Variants in TNRC6C observed in about 807,000 individuals in gnomAD.
The protein encoded by TNRC6C is trinucleotide repeat containing adaptor 6C.
TNRC6C carries 20 observed loss-of-function variants against 153.7 expected under a neutral mutation model. That is an observed-to-expected ratio of 0.13 (90% CI 0.09 to 0.19). The LOEUF (loss-of-function observed/expected upper bound fraction) is 0.19, where lower values mean the gene tolerates loss of function less well. Ranked by LOEUF, TNRC6C falls within the 10% of genes least tolerant of loss-of-function variation. The pLI is 1.00. For missense variants in TNRC6C, 1,987 were observed against 2,172.0 expected, an observed-to-expected ratio of 0.91 and a Z score of 1.69; for synonymous variants, 811 against 841.4, an observed-to-expected ratio of 0.96 and a Z score of 0.63.
intron 19 of TNRC6C, 21 bp downstream of exon 22, chr17:78,103,574 C>A (rs1387104597): frequency 6.2e-7 from 1 of 1,613,576 alleles, no homozygotes; most frequent in African/African-American, 1.3e-5. Context: ...TCACAGCCAC[C>A]TCAGCGCTCC....
intron 2 of TNRC6C, among the ~76,000 whole-genome samples, chr17:78,034,276 C>G (rs1217213012): frequency 6.6e-6 from 1 of 152,084 alleles, no homozygotes; most frequent in Non-Finnish European, 1.5e-5. Context: ...AGGATGGTCT[C>G]AAACTCCTGA....
At chr17:78,012,087 C>T (rs1346600405) in intron 1 of TNRC6C, 1 of 152,114 alleles carries the variant, frequency 6.6e-6, no homozygotes, top group Non-Finnish European at 1.5e-5. Flanking sequence ...AGTCATTGCC[C>T]TTCTATGTGT....
chr17:77,991,006 G>A (rs1226996338), intron 1 of TNRC6C, among the ~76,000 whole-genome samples: 1 of 152,158 alleles, frequency 6.6e-6, no homozygotes, highest in East Asian at 1.9e-4. Context: ...TCTTAGTGAT[G>A]CATAAAATAA....
intron 1 of TNRC6C, among the ~76,000 whole-genome samples, chr17:77,960,407 G>T (rs1055919666): frequency 1.3e-5 from 2 of 152,202 alleles, no homozygotes; most frequent in African/African-American, 4.8e-5. Context: ...AATTTATGGT[G>T]ATCGCTGTGA....
chr17:78,001,951 G>A (rs1337737159), upstream of TNRC6C, among the ~76,000 whole-genome samples: 1 of 152,050 alleles, frequency 6.6e-6, no homozygotes, highest in Non-Finnish European at 1.5e-5. Context: ...AAAAGAAAAA[G>A]TTCTGTGATT....
chr17:78,107,709 ACCC>A lies in TNRC6C; in HGVS notation c.*2867_*2869del, dbSNP rs369121058. On this transcript the variant is annotated 3_prime_UTR_variant, in exon 20 of 20. Transcript: ENST00000301624. ...GCACAGCCAAGCTTTCCAGCTCTCC[ACCC>A]CCGTGGCCCATCCAAGTCTGTTCAT... 1.6e-4 allele frequency: 25 copies of A among 152,030 alleles called. No homozygotes were observed. In the East Asian group the frequency reaches 4.5e-3, roughly 27 times the overall value. 9.4% of individuals were successfully genotyped at this position (152,030 alleles called of 1,614,324 possible). A position where few individuals can be genotyped will look rare whatever the true frequency, so the allele number is the denominator to read the frequency against.
At chr17:78,102,365 G>T in intron 17 of TNRC6C, 109 bp from the exon 21 acceptor site, 1 of 983,672 alleles carries the variant, frequency 1.0e-6, no homozygotes, top group South Asian at 1.7e-5. Flanking sequence ...CCTAAAGCAC[G>T]CAGTGACGGC....
intron 3 of TNRC6C, among the ~76,000 whole-genome samples, chr17:78,053,752 A>G (rs1261458593): frequency 6.6e-6 from 1 of 152,176 alleles, no homozygotes; most frequent in Admixed American, 6.5e-5. Context: ...GTATGCAGAA[A>G]GTGATCTGAG....
chr17:78,104,692 C>A lies in TNRC6C; in HGVS notation c.4920C>A (p.Gly1640=). The change falls in exon 20 of 20, where the codon GGC becomes GGA. Residue 1640 remains glycine, a synonymous_variant. Coordinates refer to ENST00000301624, the Ensembl canonical transcript of TNRC6C. The surrounding 1 kb of genome is among the most constrained non-coding windows in gnomAD (Gnocchi z 6.2). Reference sequence around the variant, plus strand: ...ACTGGAACGCCCCGTGCCTGGGTGGCAAGGGGAGCAGTGAGCTGCTGTGGG... The same window carrying A: ...ACTGGAACGCCCCGTGCCTGGGTGGAAAGGGGAGCAGTGAGCTGCTGTGGG... The A allele has an allele frequency of 4.5e-6, 7 of 1,540,920 alleles. No individual in the cohort carries two copies. The highest frequency in any genetic ancestry group is 6.1e-6 in the Non-Finnish European group (7 of 1,146,018).
intron 2 of TNRC6C, among the ~76,000 whole-genome samples, chr17:78,041,822 C>T (rs560012515): frequency 6.6e-5 from 10 of 152,242 alleles, no homozygotes; most frequent in Non-Finnish European, 1.5e-4. Context: ...GAAAGCATTG[C>T]GAACTAGTTT....
intron 1 of TNRC6C, among the ~76,000 whole-genome samples, chr17:77,976,901 C>T (rs2071005910): frequency 8.1e-6 from 1 of 124,036 alleles, no homozygotes; most frequent in African/African-American, 3.1e-5. Flanking sequence ...TGCACTCCAG[C>T]TCAGGCGACA....
intron 1 of TNRC6C, among the ~76,000 whole-genome samples, chr17:78,019,844 G>A (rs2071798641): frequency 6.6e-6 from 1 of 152,168 alleles, no homozygotes; most frequent in Non-Finnish European, 1.5e-5. Flanking sequence ...CCTAGAGTCA[G>A]GTCTTTTTGA....
intron 15 of TNRC6C, 74 bp from the exon 18 acceptor site, chr17:78,093,546 A>G: frequency 6.4e-7 from 1 of 1,566,574 alleles, no homozygotes. Flanking sequence ...ACAGGACAAA[A>G]CATCTTTTAA....
At chr17:78,050,240 C>G in exon 3 of TNRC6C, 1 of 1,539,932 alleles carries the variant, frequency 6.5e-7, no homozygotes, top group Non-Finnish European at 8.7e-7. Flanking sequence ...TCTTCTGGAA[C>G]TACAGCAAGT....
intron 1 of TNRC6C, chr17:78,012,047 A>G (rs1360845995): frequency 1.3e-5 from 2 of 151,128 alleles, no homozygotes; most frequent in Non-Finnish European, 2.9e-5. Context: ...GGGCAGAAAG[A>G]CTCATCGCTA....
At chr17:78,050,650 G>T in exon 3 of TNRC6C, 1 of 1,563,150 alleles carries the variant, frequency 6.4e-7, no homozygotes. Flanking sequence ...CAACAACAAA[G>T]CGCCAAGTGG....
At chr17:78,038,299 A>G (rs1598719542) in intron 2 of TNRC6C, among the ~76,000 whole-genome samples, 1 of 152,316 alleles carries the variant, frequency 6.6e-6, no homozygotes, top group East Asian at 1.9e-4. Flanking sequence ...CAAAAGAAAA[A>G]CAGTCCCATA....
chr17:78,077,730 A>G (rs755140185), intron 9 of TNRC6C: 1 of 192,100 alleles, frequency 5.2e-6, no homozygotes, highest in African/African-American at 2.4e-5. Context: ...AGAAAGCACC[A>G]CATTCTCCCC....
At chr17:77,963,716 G>A (rs561415232) in intron 1 of TNRC6C, among the ~76,000 whole-genome samples, 1 of 152,334 alleles carries the variant, frequency 6.6e-6, no homozygotes, top group Non-Finnish European at 1.5e-5. Context: ...CACAACAGAA[G>A]TAATGGTCTT....
Sources: allele counts gnomAD v4.1 joint callset (sites outside exome capture counted in the v4.1 genomes callset), GRCh38; gene constraint gnomAD v4.1.1; non-coding constraint Gnocchi (gnomAD v3.1); transcripts MANE v1.5; gene names NCBI Gene and HGNC (gene_info 2026-07-23, HGNC 2026-07-21).